Variants in SGMS1 observed in about 807,000 individuals in gnomAD.
SGMS1 encodes sphingomyelin synthase 1, also known as phosphatidylcholine:ceramide cholinephosphotransferase 1.
SGMS1 carries 13 observed loss-of-function variants against 46.2 expected under a neutral mutation model. That is an observed-to-expected ratio of 0.28 (90% CI 0.18 to 0.45). The LOEUF (loss-of-function observed/expected upper bound fraction) is 0.45, where lower values mean the gene tolerates loss of function less well. Ranked by LOEUF, SGMS1 falls within the 20% of genes least tolerant of loss-of-function variation. SGMS1 has a pLI of 1.00. For missense variants in SGMS1, 324 were observed against 519.9 expected, an observed-to-expected ratio of 0.62 and a Z score of 3.66; for synonymous variants, 203 against 187.8, an observed-to-expected ratio of 1.08 and a Z score of -0.66.
intron 1 of SGMS1, among the ~76,000 whole-genome samples, chr10:50,604,552 A>ACATTTCTT (rs1838677674): frequency 6.6e-6 from 1 of 152,214 alleles, no homozygotes; most frequent in Admixed American, 6.5e-5. Context: ...TCCCAGAGAC[A>ACATTTCTT]CATTTCTTTG....
intron 5 of SGMS1, among the ~76,000 whole-genome samples, chr10:50,445,103 G>GA (rs1836994298): frequency 6.6e-6 from 1 of 152,096 alleles, no homozygotes; most frequent in Non-Finnish European, 1.5e-5. Context: ...ATAAGTACAT[G>GA]AAAAAATTTT....
rs150400834 is a variant in SGMS1, at chr10:50,322,362, G to T, written c.741+4843C>A. Among the ~76,000 whole-genome samples the T allele has an allele frequency of 1.3e-3, 202 of 152,308 alleles. 2 individuals carry two copies. The highest frequency in any genetic ancestry group is 6.8e-3 in the Middle Eastern group (2 of 294). On this transcript the variant is annotated intron_variant, in intron 8 of 10. Coordinates refer to ENST00000361781, the MANE Select transcript of SGMS1 (RefSeq NM_147156.4). ...TATGAAAATGAGAGTCGAAAACAGTGCAAGTTATTTCTTCTCTTCTATTAG... is the reference window on the plus strand; with the variant it reads ...TATGAAAATGAGAGTCGAAAACAGTTCAAGTTATTTCTTCTCTTCTATTAG...
intron 7 of SGMS1, among the ~76,000 whole-genome samples, chr10:50,332,475 AGC>A (rs1275920796): frequency 4.6e-5 from 7 of 152,104 alleles, no homozygotes; most frequent in African/African-American, 1.4e-4. Flanking sequence ...ATTCTGTGGA[AGC>A]TAACTAACTC....
intron 6 of SGMS1, among the ~76,000 whole-genome samples, chr10:50,352,877 G>C (rs1237342854): frequency 6.6e-6 from 1 of 152,090 alleles, no homozygotes; most frequent in East Asian, 1.9e-4. Context: ...ACTCTCCCAA[G>C]ACTAAACCAG....
intron 3 of SGMS1, among the ~76,000 whole-genome samples, chr10:50,508,402 G>A (rs190319231): frequency 2.0e-5 from 3 of 152,308 alleles, no homozygotes. Context: ...TAGGGCAAGT[G>A]ACACAAGCTG....
At chr10:50,341,217 C>T (rs1847815900) in intron 7 of SGMS1, 3 of 399,098 alleles carry the variant, frequency 7.5e-6, no homozygotes, top group Non-Finnish European at 1.5e-5. Flanking sequence ...AGATTTTAAC[C>T]TTCTCTATGA....
intron 3 of SGMS1, among the ~76,000 whole-genome samples, chr10:50,487,121 T>C (rs1837527524): frequency 6.6e-6 from 1 of 152,108 alleles, no homozygotes. Flanking sequence ...AACATGTGGA[T>C]GCATAGTGGG....
At chr10:50,562,484 A>T (rs938010593) in intron 2 of SGMS1, among the ~76,000 whole-genome samples, 13 of 152,160 alleles carry the variant, frequency 8.5e-5, no homozygotes, top group Admixed American at 1.3e-4. Flanking sequence ...TTTGAAAAAC[A>T]CTATTGCAGA....
At chr10:50,316,222 T>C (rs1847335921) in intron 8 of SGMS1, among the ~76,000 whole-genome samples, 1 of 152,196 alleles carries the variant, frequency 6.6e-6, no homozygotes, top group Non-Finnish European at 1.5e-5. Context: ...GCTGCACAAA[T>C]TAATGGCTTT....
chr10:50,307,506 T>C lies in SGMS1; in HGVS notation c.1063-185A>G, dbSNP rs1033220470. On this transcript the variant is annotated intron_variant, in intron 10 of 10. Coordinates refer to ENST00000361781, the MANE Select transcript of SGMS1 (RefSeq NM_147156.4). The surrounding 1 kb of genome is among the most constrained non-coding windows in gnomAD (Gnocchi z 4.2). ...ATCTACAAACTGAGCCACATCCCAG[T>C]AGAAAAACAACGCCAATTCTGGGAG... is the stretch of plus-strand genomic sequence containing the variant. Among the ~76,000 whole-genome samples the C allele has an allele frequency of 6.6e-6, 1 of 152,154 alleles. No individual in the cohort carries two copies. Among genetic ancestry groups the C allele is most frequent in the Non-Finnish European group, 1.5e-5 (1 of 68,044 alleles).
chr10:50,544,435 G>T (rs1195443959), intron 2 of SGMS1, among the ~76,000 whole-genome samples: 1 of 152,174 alleles, frequency 6.6e-6, no homozygotes, highest in Non-Finnish European at 1.5e-5. Flanking sequence ...CTTCGGTGAA[G>T]GCAAACAAGT....
At chr10:50,348,861 C>T (rs1470744005) in intron 6 of SGMS1, among the ~76,000 whole-genome samples, 2 of 152,196 alleles carry the variant, frequency 1.3e-5, no homozygotes, top group African/African-American at 2.4e-5. Context: ...AAAGCCAAGA[C>T]AATCCTAAGC....
chr10:50,571,133 C>T (rs1292250215), intron 2 of SGMS1, among the ~76,000 whole-genome samples: 1 of 152,186 alleles, frequency 6.6e-6, no homozygotes, highest in Non-Finnish European at 1.5e-5. Context: ...AATCAAATTA[C>T]TAGCAAGAAA....
rs900338415 is a variant in SGMS1, at chr10:50,453,627, G to A, written c.-313+7046C>T. ...TGAAAAAGTCCAACATGTGTTCTTC[G>A]ATTTCCGGAAAGAAATGATAAAGAA... On this transcript the variant is annotated intron_variant, in intron 5 of 10. Coordinates refer to ENST00000361781, the MANE Select transcript of SGMS1 (RefSeq NM_147156.4). 1.1e-4 allele frequency among the ~76,000 whole-genome samples: 16 copies of A among 150,982 alleles called. No individual in the cohort carries two copies. The East Asian group carries it at 1.8e-3, about 17-fold the overall frequency.
At chr10:50,468,963 A>G (rs1837355342) in intron 3 of SGMS1, among the ~76,000 whole-genome samples, 1 of 152,114 alleles carries the variant, frequency 6.6e-6, no homozygotes, top group Non-Finnish European at 1.5e-5. Context: ...CAAGAACCCT[A>G]TGTGTGTGTG....
intron 2 of SGMS1, among the ~76,000 whole-genome samples, chr10:50,587,503 C>T (rs376311556): frequency 1.5e-4 from 23 of 152,144 alleles, no homozygotes; most frequent in South Asian, 8.3e-4. Flanking sequence ...CATGGTGGCA[C>T]GCACCTGTAA....
intron 2 of SGMS1, among the ~76,000 whole-genome samples, chr10:50,523,653 T>A (rs1353277352): frequency 1.3e-5 from 2 of 152,242 alleles, no homozygotes; most frequent in Non-Finnish European, 2.9e-5. Flanking sequence ...GAGAAAAGAA[T>A]CCTTTTCATA....
At chr10:50,422,838 A>C (rs1455522691) in intron 6 of SGMS1, among the ~76,000 whole-genome samples, 1 of 152,234 alleles carries the variant, frequency 6.6e-6, no homozygotes, top group African/African-American at 2.4e-5. Flanking sequence ...GCATTAGAGC[A>C]AGCCTCTGTC....
chr10:50,401,531 C>A (rs1848940539), intron 6 of SGMS1, among the ~76,000 whole-genome samples: 1 of 152,124 alleles, frequency 6.6e-6, no homozygotes, highest in Non-Finnish European at 1.5e-5. Context: ...AGGAGAAATC[C>A]CTCTAGTTTG....
Sources: gnomAD v4.1 joint callset for allele counts (sites outside exome capture counted in the v4.1 genomes callset) on GRCh38, gnomAD v4.1.1 for gene constraint, Gnocchi (gnomAD v3.1) non-coding constraint, MANE v1.5 for transcripts, NCBI Gene and HGNC (gene_info 2026-07-23, HGNC 2026-07-21) for gene names.